The following NDE1 variants were observed in gnomAD, a reference collection of about 807,000 sequenced individuals.
NDE1 encodes the protein nuclear distribution protein nudE homolog 1.
NDE1 carries 28 observed loss-of-function variants against 43.4 expected under a neutral mutation model. The ratio of observed to expected loss-of-function variants is 0.65; its 90% CI spans 0.48 to 0.89. The LOEUF is 0.89. Among genes scored for constraint, NDE1 ranks in the 40% least tolerant of loss-of-function variants. NDE1 has a pLI of 0.00. For missense variants in NDE1, 441 were observed against 434.1 expected (o/e 1.02, Z -0.14); for synonymous variants, 184 against 172.0 (o/e 1.07, Z -0.55).
intron 8 of NDE1, chr16:15,699,859 G>A (rs779102697): frequency 9.7e-6 from 13 of 1,333,710 alleles, no homozygotes; most frequent in South Asian, 3.5e-5. Context: ...GTGTTGGTGC[G>A]GAAGTCGTTA....
chr16:15,707,980 GCAAAAT>G (rs2039556304), intron 8 of NDE1, among the ~76,000 whole-genome samples: 2 of 102,328 alleles, frequency 2.0e-5, no homozygotes, highest in African/African-American at 5.1e-5. Flanking sequence ...AAAAAAAAAA[GCAAAAT>G]CCCAGAGCAG....
Position 15,724,540 on chromosome 16 carries a change from G to A in NDE1, c.*289G>A. 3 of 1,606,140 alleles carry A rather than the reference G, an allele frequency of 1.9e-6. No homozygotes were observed. Among genetic ancestry groups the A allele is most frequent in the Non-Finnish European group, 2.6e-6 (3 of 1,175,564 alleles). ...AACCCAATAGCAGGGGAAGCTGGGG[G>A]GTCAAGCACCATCGCACCAACACTC... On this transcript the variant is annotated 3_prime_UTR_variant, in exon 9 of 9. Coordinates refer to ENST00000396354, the MANE Select transcript of NDE1 (RefSeq NM_017668.3).
intron 4 of NDE1, 162 bp from the exon 5 acceptor site, chr16:15,687,213 C>T: frequency 2.0e-6 from 3 of 1,532,152 alleles, no homozygotes; most frequent in South Asian, 1.2e-5. Flanking sequence ...AGAGCCCATG[C>T]CCCAGAAGGT....
chr16:15,720,421 G>T (rs1177731465), intron 8 of NDE1: 4 of 1,420,302 alleles, frequency 2.8e-6, no homozygotes, highest in Non-Finnish European at 2.9e-6. Flanking sequence ...CCCCTTGTGA[G>T]GTGGGCATCT....
rs909582372 is a variant in NDE1 at position 15,714,655 on chromosome 16, G to T, written c.948-9536G>T. 5 of 586,684 alleles carry T rather than the reference G, an allele frequency of 8.5e-6. No individual in the cohort carries two copies. The Admixed American group carries it at 1.5e-4, about 18-fold the overall frequency. 36.3% of individuals were successfully genotyped at this position (586,684 alleles called of 1,614,324 possible). ...GATAGCCTCTTCCTCCTCCTCAGCC[G>T]GAGGACCGGATGGGAGACGGTCGAT... On this transcript the variant is annotated intron_variant, in intron 8 of 8. Transcript: ENST00000396354.
intron 1 of NDE1, among the ~76,000 whole-genome samples, chr16:15,655,991 A>C (rs1161798443): frequency 5.8e-5 from 4 of 69,140 alleles, no homozygotes; most frequent in African/African-American, 2.4e-4. Flanking sequence ...GGGTGGGGGG[A>C]GGGGGGAGGG....
At chr16:15,654,089 A>G (rs747911423) in intron 1 of NDE1, among the ~76,000 whole-genome samples, 12 of 152,114 alleles carry the variant, frequency 7.9e-5, no homozygotes, top group Non-Finnish European at 1.3e-4. Flanking sequence ...TACTTTTTGT[A>G]CCACTGGGTC....
intron 4 of NDE1, among the ~76,000 whole-genome samples, chr16:15,686,034 A>G (rs889844998): frequency 6.6e-6 from 1 of 150,522 alleles, no homozygotes; most frequent in African/African-American, 2.5e-5. Context: ...TCACTGCAAC[A>G]TTCACCTTCT....
intron 3 of NDE1, among the ~76,000 whole-genome samples, chr16:15,668,960 C>T (rs1325493261): frequency 6.6e-6 from 1 of 151,998 alleles, no homozygotes; most frequent in East Asian, 1.9e-4. Context: ...AGTGCAGTAG[C>T]GCGATCTCGG....
chr16:15,659,459 G>T (rs2036936661), intron 1 of NDE1, among the ~76,000 whole-genome samples: 1 of 95,334 alleles, frequency 1.0e-5, no homozygotes, highest in African/African-American at 4.3e-5. Flanking sequence ...TTTTTTGAGA[G>T]GAAGTCTCAC....
At chr16:15,674,327 T>G (rs573192260) in intron 3 of NDE1, among the ~76,000 whole-genome samples, 1 of 152,186 alleles carries the variant, frequency 6.6e-6, no homozygotes, top group South Asian at 2.1e-4. Flanking sequence ...CACTGCAACC[T>G]CCGCCTCCTG....
In NDE1 at chr16:15,724,944, C is replaced by A; in HGVS notation, c.*693C>A. On this transcript the variant is annotated 3_prime_UTR_variant, in exon 9 of 9. Coordinates refer to ENST00000396354, the MANE Select transcript of NDE1 (RefSeq NM_017668.3). ...GCCACGTCCTTGGCCAGCTTAATGG[C>A]CTTCCCCTCGGCCTCGTTAAGCATC... 1 of 1,614,146 alleles carries A rather than the reference C, an allele frequency of 6.2e-7. No individual in the cohort carries two copies. The highest frequency in any genetic ancestry group is 8.5e-7 in the Non-Finnish European group (1 of 1,180,030).
At chr16:15,688,317 C>A (rs1349429763) in intron 5 of NDE1, among the ~76,000 whole-genome samples, 1 of 151,934 alleles carries the variant, frequency 6.6e-6, no homozygotes, top group East Asian at 1.9e-4. Context: ...GTTGGCACTT[C>A]CAGAGGTAGA....
At chr16:15,701,946 G>C (rs2039234745) in intron 8 of NDE1, 2 of 152,110 alleles carry the variant, frequency 1.3e-5, no homozygotes, top group South Asian at 4.1e-4. Context: ...GGTCAAAGAG[G>C]CTTTGTATGT....
At chr16:15,721,455 G>C (rs2040477564) in intron 8 of NDE1, 1 of 1,614,056 alleles carries the variant, frequency 6.2e-7, no homozygotes, top group Non-Finnish European at 8.5e-7. Context: ...AGCTGACCAG[G>C]TCTTCCATTT....
At chr16:15,698,814 T>C (rs546397420) in intron 8 of NDE1, among the ~76,000 whole-genome samples, 1 of 151,978 alleles carries the variant, frequency 6.6e-6, no homozygotes, top group South Asian at 2.1e-4. Context: ...TGAGCCAAGA[T>C]TGCACCACTG....
chr16:15,714,897 C>G lies in NDE1; in HGVS notation c.948-9294C>G, dbSNP rs748529228. The G allele has an allele frequency of 3.1e-6, 5 of 1,613,110 alleles. No individual in the cohort carries two copies. The Admixed American group carries it at 6.7e-5, about 21-fold the overall frequency. ...TGAGAGACGGGGTCCTCCCGGGCCA[C>G]GGGCTCCTCACCTGAGCTTGCTCTT... On this transcript the variant is annotated intron_variant, in intron 8 of 8. Transcript: ENST00000396354.
chr16:15,716,492 C>T (rs961915193), intron 8 of NDE1, among the ~76,000 whole-genome samples: 8 of 151,964 alleles, frequency 5.3e-5, no homozygotes, highest in Non-Finnish European at 1.0e-4. Flanking sequence ...AATGGGCTGC[C>T]GGTTGGACTT....
chr16:15,676,256 G>A (rs1194277626), intron 3 of NDE1, among the ~76,000 whole-genome samples: 3 of 120,338 alleles, frequency 2.5e-5, no homozygotes, highest in South Asian at 5.3e-4. Flanking sequence ...ACAGAGTCTC[G>A]CTGTTATTGC....
Sources: gnomAD v4.1 joint callset for allele counts (sites outside exome capture counted in the v4.1 genomes callset) on GRCh38, gnomAD v4.1.1 for gene constraint, MANE v1.5 for transcripts, NCBI Gene and HGNC (gene_info 2026-07-23, HGNC 2026-07-21) for gene names.